Variants in TENM2 observed in about 807,000 individuals in gnomAD.
The protein encoded by TENM2 is teneurin transmembrane protein 2.
In TENM2, 52 loss-of-function variants were observed where a neutral mutation model predicts 245.2. The ratio of observed to expected loss-of-function variants is 0.21; its 90% CI spans 0.17 to 0.27. The LOEUF (loss-of-function observed/expected upper bound fraction) is 0.27. Among genes scored for constraint, TENM2 ranks in the 10% least tolerant of loss-of-function variants. The pLI is 1.00. For synonymous variants in TENM2, 1,363 were observed against 1,438.9 expected, an observed-to-expected ratio of 0.95 and a Z score of 1.19; for missense variants, 3,046 against 3,666.8, an observed-to-expected ratio of 0.83 and a Z score of 4.37.
chr5:166,979,883 T>A, the TENM2 span, among the ~76,000 whole-genome samples: 1 of 152,162 alleles, frequency 6.6e-6, no homozygotes, highest in African/African-American at 2.4e-5. Context: ...GATTTTTTTT[T>A]AGGATGCATT....
Position 167,716,051 on chromosome 5 carries a change from C to A in TENM2, c.503-159935C>A, listed in dbSNP as rs1759234926. Among the ~76,000 whole-genome samples the A allele has an allele frequency of 2.0e-5, 3 of 152,186 alleles. No homozygotes were observed. In the South Asian group the frequency reaches 6.2e-4, roughly 32 times the overall value. ...ATAATCCTTGCAGCCATTGCACAGA[C>A]CCACAGGCGTCTGCCAGTGTGTGCC... is the stretch of plus-strand genomic sequence containing the variant. On this transcript the variant is annotated intron_variant, in intron 2 of 28. Transcript: ENST00000518659.
At chr5:168,251,194 G>C (rs1436498889) in intron 27 of TENM2, among the ~76,000 whole-genome samples, 2 of 152,206 alleles carry the variant, frequency 1.3e-5, no homozygotes, top group Admixed American at 6.5e-5. Flanking sequence ...AACCCACAGT[G>C]TGGGCTGAAC....
chr5:167,468,103 A>G (rs1235538356), intron 2 of TENM2, among the ~76,000 whole-genome samples: 1 of 151,982 alleles, frequency 6.6e-6, no homozygotes, highest in East Asian at 1.9e-4. Flanking sequence ...TGACCAGCTA[A>G]TTTTTGTATT....
At chr5:167,865,569 C>G (rs1772243817) in intron 2 of TENM2, among the ~76,000 whole-genome samples, 1 of 152,178 alleles carries the variant, frequency 6.6e-6, no homozygotes, top group Non-Finnish European at 1.5e-5. Flanking sequence ...CCAGCATGCC[C>G]AGCCTGGAAT....
intron 10 of TENM2, among the ~76,000 whole-genome samples, chr5:168,122,501 T>C (rs1795539235): frequency 6.6e-6 from 1 of 152,184 alleles, no homozygotes; most frequent in Non-Finnish European, 1.5e-5. Context: ...ATGTGTTCGA[T>C]GCTTTCAGCT....
intron 8 of TENM2, 65 bp from the exon 11 acceptor site, chr5:168,097,961 G>T (rs780346394): frequency 7.0e-5 from 88 of 1,252,092 alleles, no homozygotes; most frequent in Non-Finnish European, 9.5e-5. Flanking sequence ...GCAAGTTACT[G>T]ACGGTTAAAT....
At chr5:167,739,796 C>G (rs553977984) in intron 2 of TENM2, among the ~76,000 whole-genome samples, 1 of 152,230 alleles carries the variant, frequency 6.6e-6, no homozygotes, top group Non-Finnish European at 1.5e-5. Flanking sequence ...CCCATTCTTC[C>G]CCGTTTGGAG....
chr5:167,065,895 A>G, the TENM2 span, among the ~76,000 whole-genome samples: 1 of 152,122 alleles, frequency 6.6e-6, no homozygotes, highest in Non-Finnish European at 1.5e-5. Flanking sequence ...TTTCTTTTGT[A>G]GTTGTACTGT....
chr5:167,706,182 T>C (rs1175540239), intron 2 of TENM2, among the ~76,000 whole-genome samples: 1 of 146,100 alleles, frequency 6.8e-6, no homozygotes, highest in Non-Finnish European at 1.5e-5. Context: ...ATATTATGCA[T>C]AGTATAATCA....
At chr5:167,079,161 C>T in the TENM2 span, among the ~76,000 whole-genome samples, 1 of 151,838 alleles carries the variant, frequency 6.6e-6, no homozygotes, top group South Asian at 2.1e-4. Context: ...AAATTTTAGT[C>T]CATGGGCAAA....
At chr5:167,360,888 G>A (rs756479215) in intron 1 of TENM2, among the ~76,000 whole-genome samples, 4 of 152,122 alleles carry the variant, frequency 2.6e-5, no homozygotes, top group East Asian at 1.9e-4. Flanking sequence ...TGGGCTACTC[G>A]CTTCTACAAT....
chr5:167,362,586 A>G (rs1581844287), intron 1 of TENM2, among the ~76,000 whole-genome samples: 1 of 152,334 alleles, frequency 6.6e-6, no homozygotes, highest in East Asian at 1.9e-4. Context: ...CAAGCACATG[A>G]TGGAAATAGG....
intron 2 of TENM2, among the ~76,000 whole-genome samples, chr5:167,424,149 ATGTGTTG>A (rs781483704): frequency 0.16 from 24,786 of 151,924 alleles, 2,146 homozygotes; most frequent in Middle Eastern, 0.25. Context: ...ATGCCCTTGA[ATGTGTTG>A]ACCTAACATG....
At chr5:168,144,024 T>C (rs1755806597) in intron 12 of TENM2, among the ~76,000 whole-genome samples, 2 of 151,446 alleles carry the variant, frequency 1.3e-5, no homozygotes, top group South Asian at 4.2e-4. Flanking sequence ...TAATTTTTTT[T>C]TTTTTTGTAT....
intron 2 of TENM2, among the ~76,000 whole-genome samples, chr5:167,471,086 A>C (rs975588132): frequency 2.6e-5 from 4 of 152,230 alleles, no homozygotes; most frequent in African/African-American, 7.2e-5. Flanking sequence ...CTGAATCTGC[A>C]AGACTGCGGC....
chr5:167,798,243 G>A (rs2150932291), intron 2 of TENM2, among the ~76,000 whole-genome samples: 1 of 152,298 alleles, frequency 6.6e-6, no homozygotes, highest in South Asian at 2.1e-4. Context: ...AGCACTGAAA[G>A]TGAAGGCCTC....
At chr5:167,199,090 T>C in the TENM2 span, among the ~76,000 whole-genome samples, 4 of 124,702 alleles carry the variant, frequency 3.2e-5, no homozygotes, top group East Asian at 6.6e-4. Context: ...CACTAGCTGA[T>C]ATGAAGTAAA....
At chr5:167,037,689 C>T in the TENM2 span, among the ~76,000 whole-genome samples, 1 of 152,132 alleles carries the variant, frequency 6.6e-6, no homozygotes, top group African/African-American at 2.4e-5. Flanking sequence ...GACCACTTAC[C>T]TCCTTCCTAT....
chr5:168,184,854 G>A (rs890768049), intron 13 of TENM2, among the ~76,000 whole-genome samples: 3 of 152,298 alleles, frequency 2.0e-5, no homozygotes, highest in African/African-American at 7.2e-5. Flanking sequence ...ATCTAGCAGA[G>A]TACACTAGAC....
Sources: gnomAD v4.1 joint callset for allele counts (sites outside exome capture counted in the v4.1 genomes callset) on GRCh38, gnomAD v4.1.1 for gene constraint, MANE v1.5 for transcripts, NCBI Gene and HGNC (gene_info 2026-07-23, HGNC 2026-07-21) for gene names.